CNTN5: variants seen among roughly 807,000 people sequenced by gnomAD.
CNTN5 encodes contactin 5.
CNTN5 carries 77 observed loss-of-function variants against 129.1 expected under a neutral mutation model. The observed-to-expected ratio is 0.60, with a 90% CI of 0.50 to 0.72. The LOEUF is 0.72. Ranked by LOEUF, CNTN5 falls within the 30% of genes least tolerant of loss-of-function variation. The pLI is 0.00. For synonymous variants in CNTN5, 509 were observed against 465.6 expected, an observed-to-expected ratio of 1.09 and a Z score of -1.20; for missense variants, 1,478 against 1,328.8, an observed-to-expected ratio of 1.11 and a Z score of -1.75.
At chr11:99,442,110 G>T (rs1943856123) in intron 2 of CNTN5, among the ~76,000 whole-genome samples, 1 of 152,116 alleles carries the variant, frequency 6.6e-6, no homozygotes, top group Non-Finnish European at 1.5e-5. Context: ...TTGAGTGCAT[G>T]CCTTGCTAAC....
At chr11:99,305,555 C>G (rs2447144) in intron 1 of CNTN5, among the ~76,000 whole-genome samples, 146,582 of 152,272 alleles carry the variant, frequency 0.96, 70,594 homozygotes, top group East Asian at 1. Flanking sequence ...CAGATAACTG[C>G]AAAAAAACAA....
At chr11:99,868,405 A>C (rs1948413600) in intron 6 of CNTN5, among the ~76,000 whole-genome samples, 1 of 152,178 alleles carries the variant, frequency 6.6e-6, no homozygotes, top group Non-Finnish European at 1.5e-5. Flanking sequence ...TAATTTTCAA[A>C]ACAACTTGTA....
At chr11:100,315,611 ATGG>A (rs971510651) in intron 21 of CNTN5, among the ~76,000 whole-genome samples, 6 of 152,198 alleles carry the variant, frequency 3.9e-5, no homozygotes, top group African/African-American at 1.4e-4. Flanking sequence ...ACAAAGAAAA[ATGG>A]TGGTCTTTTC....
chr11:100,313,982 A>G (rs1276169967), intron 21 of CNTN5, among the ~76,000 whole-genome samples: 1 of 152,166 alleles, frequency 6.6e-6, no homozygotes, highest in Non-Finnish European at 1.5e-5. Flanking sequence ...AACTTCCACA[A>G]TCAAATAAAT....
chr11:100,245,401 C>T (rs979626225), intron 16 of CNTN5, among the ~76,000 whole-genome samples: 10 of 151,984 alleles, frequency 6.6e-5, no homozygotes, highest in African/African-American at 2.2e-4. Flanking sequence ...AGAAGATTGC[C>T]GTGATCTGAT....
chr11:100,250,514 C>G (rs1949943348), intron 16 of CNTN5, among the ~76,000 whole-genome samples: 1 of 151,786 alleles, frequency 6.6e-6, no homozygotes, highest in African/African-American at 2.4e-5. Context: ...TAATGGCTGC[C>G]TAATATTTCA....
intron 3 of CNTN5, among the ~76,000 whole-genome samples, chr11:99,768,442 C>A (rs900037638): frequency 4.6e-5 from 7 of 152,006 alleles, no homozygotes; most frequent in Non-Finnish European, 1.0e-4. Flanking sequence ...CATAGACAGT[C>A]CATATTCAGA....
At chr11:100,332,146 A>G (rs1460271685) in intron 21 of CNTN5, among the ~76,000 whole-genome samples, 2 of 152,132 alleles carry the variant, frequency 1.3e-5, no homozygotes, top group Non-Finnish European at 2.9e-5. Context: ...GAAACAAAAC[A>G]GGAGATATTA....
intron 13 of CNTN5, among the ~76,000 whole-genome samples, chr11:100,126,486 T>A (rs1946186954): frequency 6.6e-6 from 1 of 152,144 alleles, no homozygotes; most frequent in South Asian, 2.1e-4. Flanking sequence ...ATATTTAGGA[T>A]AGCTAACTCT....
chr11:99,298,180 A>G (rs1387652378), intron 1 of CNTN5, among the ~76,000 whole-genome samples: 1 of 152,160 alleles, frequency 6.6e-6, no homozygotes, highest in Non-Finnish European at 1.5e-5. Flanking sequence ...ATAAAAGAAA[A>G]ACTTCAGAAT....
chr11:99,963,473 T>G (rs1391288738), intron 8 of CNTN5, among the ~76,000 whole-genome samples: 1 of 152,158 alleles, frequency 6.6e-6, no homozygotes, highest in Non-Finnish European at 1.5e-5. Flanking sequence ...ATTATAGATA[T>G]GCAGCATTAT....
intron 3 of CNTN5, among the ~76,000 whole-genome samples, chr11:99,656,969 A>T (rs1411653487): frequency 1.3e-5 from 2 of 151,958 alleles, no homozygotes; most frequent in African/African-American, 4.8e-5. Context: ...TGTTTCTTGC[A>T]TAGTTAAGTT....
intron 7 of CNTN5, among the ~76,000 whole-genome samples, chr11:99,927,583 A>G (rs1950091805): frequency 6.6e-6 from 1 of 152,068 alleles, no homozygotes; most frequent in Non-Finnish European, 1.5e-5. Flanking sequence ...AAGAATTGCC[A>G]AGCAAAAGGC....
chr11:99,156,222 G>T (rs531505306), intron 1 of CNTN5, among the ~76,000 whole-genome samples: 1 of 152,112 alleles, frequency 6.6e-6, no homozygotes, highest in African/African-American at 2.4e-5. Flanking sequence ...AATCTTATAA[G>T]TTGATTAAGA....
At chr11:99,070,335 A>C (rs1865292832) in intron 1 of CNTN5, among the ~76,000 whole-genome samples, 1 of 152,140 alleles carries the variant, frequency 6.6e-6, no homozygotes, top group African/African-American at 2.4e-5. Context: ...TCTCTCTTTA[A>C]AAATTGGTAT....
At chr11:99,844,374 T>C (rs1398739864) in intron 4 of CNTN5, among the ~76,000 whole-genome samples, 3 of 152,184 alleles carry the variant, frequency 2.0e-5, no homozygotes, top group Non-Finnish European at 2.9e-5. Context: ...ATGTAGTGCT[T>C]CAGTGAATTA....
chr11:99,993,884 C>G (rs1441664684), intron 8 of CNTN5, among the ~76,000 whole-genome samples: 1 of 152,104 alleles, frequency 6.6e-6, no homozygotes. Flanking sequence ...TATCATCACT[C>G]TTAGTGTGAT....
intron 1 of CNTN5, among the ~76,000 whole-genome samples, chr11:99,087,781 C>T (rs1363810608): frequency 6.6e-6 from 1 of 152,074 alleles, no homozygotes; most frequent in Non-Finnish European, 1.5e-5. Flanking sequence ...GTCTGTTACC[C>T]AAGGCTAAAG....
At chr11:99,071,455 C>T (rs554661346) in intron 1 of CNTN5, among the ~76,000 whole-genome samples, 12 of 152,094 alleles carry the variant, frequency 7.9e-5, no homozygotes, top group African/African-American at 2.4e-4. Flanking sequence ...AAAAAAATTG[C>T]ACAAGTTAAA....
Sources: gnomAD v4.1 joint callset for allele counts (sites outside exome capture counted in the v4.1 genomes callset) on GRCh38, gnomAD v4.1.1 for gene constraint, MANE v1.5 for transcripts, NCBI Gene and HGNC (gene_info 2026-07-23, HGNC 2026-07-21) for gene names.